The following SMURF1 variants were observed in gnomAD, a reference collection of about 807,000 sequenced individuals.
SMURF1 encodes the protein SMAD specific E3 ubiquitin protein ligase 1.
Under a neutral mutation model 98.0 loss-of-function variants are expected in SMURF1, and 44 were observed. That is an observed-to-expected ratio of 0.45 (90% CI 0.35 to 0.58). The LOEUF is 0.58. Among genes scored for constraint, SMURF1 ranks in the 20% least tolerant of loss-of-function variants. SMURF1 has a pLI of 0.00. For synonymous variants in SMURF1, 396 were observed against 374.9 expected, an observed-to-expected ratio of 1.06 and a Z score of -0.65; for missense variants, 687 against 938.4, an observed-to-expected ratio of 0.73 and a Z score of 3.50.
At chr7:99,130,910 T>C (rs962347715) in intron 1 of SMURF1, among the ~76,000 whole-genome samples, 1 of 152,202 alleles carries the variant, frequency 6.6e-6, no homozygotes, top group African/African-American at 2.4e-5. Flanking sequence ...CAATGAACAC[T>C]TGACCCAAAT....
chr7:99,039,259 C>T (rs1795277919), intron 13 of SMURF1, among the ~76,000 whole-genome samples: 1 of 149,572 alleles, frequency 6.7e-6, no homozygotes, highest in African/African-American at 2.5e-5. Flanking sequence ...CCAAAGGCAT[C>T]AGTTCAAACA....
intron 1 of SMURF1, among the ~76,000 whole-genome samples, chr7:99,102,950 C>T (rs1048783013): frequency 1.3e-5 from 2 of 151,600 alleles, no homozygotes; most frequent in African/African-American, 2.4e-5. Flanking sequence ...ACCACAGGTG[C>T]GTGCCATCAT....
At chr7:99,030,754 G>T in intron 17 of SMURF1, 71 bp from the exon 18 acceptor site, 1 of 1,238,834 alleles carries the variant, frequency 8.1e-7, no homozygotes, top group Non-Finnish European at 1.2e-6. Context: ...GCCAAGGACA[G>T]GCAGTGAGAA....
chr7:99,129,888 T>C (rs1027974987), intron 1 of SMURF1, among the ~76,000 whole-genome samples: 13 of 152,192 alleles, frequency 8.5e-5, no homozygotes, highest in Admixed American at 6.5e-5. Context: ...CTTTTTTTCT[T>C]TTTAAGAATA....
In SMURF1 at chr7:99,144,002, G is replaced by A; in HGVS notation, c.-222C>T. The A allele has an allele frequency of 2.7e-6, 1 of 365,008 alleles. No homozygotes were observed. Among genetic ancestry groups the A allele is most frequent in the Non-Finnish European group, 4.8e-6 (1 of 208,046 alleles). 22.6% of individuals were successfully genotyped at this position (365,008 alleles called of 1,614,324 possible). A position where few individuals can be genotyped will look rare whatever the true frequency, so the allele number is the denominator to read the frequency against. ...GCTCTGACCCTCGCTGCTTCCAGCC[G>A]AGCCCAGTCCCGAGCCGCCGCCGCC... is the stretch of plus-strand genomic sequence containing the variant. On this transcript the variant is annotated 5_prime_UTR_variant, in exon 1 of 18. Coordinates refer to ENST00000361368, the MANE Select transcript of SMURF1 (RefSeq NM_181349.3).
chr7:99,059,909 CA>C (rs34628446), intron 3 of SMURF1, among the ~76,000 whole-genome samples: 94 of 137,942 alleles, frequency 6.8e-4, no homozygotes, highest in Admixed American at 8.0e-4. Context: ...GACTCCATCT[CA>C]AAAAAAAAAA....
chr7:99,067,723 G>A (rs1047703176), intron 1 of SMURF1, among the ~76,000 whole-genome samples: 7 of 152,226 alleles, frequency 4.6e-5, no homozygotes, highest in South Asian at 2.1e-4. Context: ...AGGCCGAGGC[G>A]GGTGGATCAC....
intron 1 of SMURF1, among the ~76,000 whole-genome samples, chr7:99,135,474 G>A (rs1409333925): frequency 6.6e-6 from 1 of 151,888 alleles, no homozygotes; most frequent in East Asian, 1.9e-4. Context: ...TTTATTTCTT[G>A]TTTTATTATT....
rs537779797 is a variant in SMURF1, at chr7:99,035,721, G to A, written c.1810-5C>T. 6.2e-6 allele frequency: 10 copies of A among 1,613,600 alleles called. No homozygotes were observed. The South Asian group carries it at 1.1e-4, about 18-fold the overall frequency. On this transcript the variant is annotated splice_polypyrimidine_tract_variant and splice_region_variant and intron_variant, in intron 15 of 17. Transcript: ENST00000361368. Reference sequence around the variant, plus strand: ...ATCCAGGCCGCCTATGATCAGCTGAGGAGGTGCAGAAAGGTGAATTACTTC... The same window carrying A: ...ATCCAGGCCGCCTATGATCAGCTGAAGAGGTGCAGAAAGGTGAATTACTTC...
intron 13 of SMURF1, among the ~76,000 whole-genome samples, chr7:99,039,193 C>CAAAAAA (rs34106810): frequency 3.3e-5 from 2 of 60,476 alleles, no homozygotes; most frequent in Non-Finnish European, 6.9e-5. Context: ...GACTCTGTCT[C>CAAAAAA]AAAAAAAAAA....
chr7:99,063,279 A>AAGATTTT (rs1209151604), intron 1 of SMURF1, among the ~76,000 whole-genome samples: 3 of 19,366 alleles, frequency 1.5e-4, no homozygotes, highest in Non-Finnish European at 4.3e-4. Context: ...ATATATATAT[A>AAGATTTT]TATATATATA....
chr7:99,124,947 T>C (rs1027630818), intron 1 of SMURF1, among the ~76,000 whole-genome samples: 1 of 152,240 alleles, frequency 6.6e-6, no homozygotes, highest in African/African-American at 2.4e-5. Flanking sequence ...TTAGTAACCA[T>C]GTACAGAATG....
At chr7:99,041,134 G>A (rs1401986139) in intron 12 of SMURF1, among the ~76,000 whole-genome samples, 1 of 152,242 alleles carries the variant, frequency 6.6e-6, no homozygotes, top group African/African-American at 2.4e-5. Context: ...GGGCATGGTT[G>A]CTCACGCCTG....
chr7:99,095,632 A>T (rs1484173987), intron 1 of SMURF1, among the ~76,000 whole-genome samples: 1 of 152,234 alleles, frequency 6.6e-6, no homozygotes, highest in Non-Finnish European at 1.5e-5. Flanking sequence ...AACACCAGTG[A>T]GTATTTATCA....
At chr7:99,068,936 T>C (rs1796259620) in intron 1 of SMURF1, among the ~76,000 whole-genome samples, 2 of 152,146 alleles carry the variant, frequency 1.3e-5, no homozygotes, top group African/African-American at 4.8e-5. Flanking sequence ...CAAGCCAGTG[T>C]TTCCCAAACG....
chr7:99,087,720 C>T (rs1466432350), intron 1 of SMURF1, among the ~76,000 whole-genome samples: 2 of 152,132 alleles, frequency 1.3e-5, no homozygotes, highest in East Asian at 3.9e-4. Flanking sequence ...GCTATCAATC[C>T]ATCTTTTGTG....
intron 1 of SMURF1, among the ~76,000 whole-genome samples, chr7:99,106,785 C>T (rs1211210301): frequency 1.3e-5 from 2 of 152,202 alleles, no homozygotes; most frequent in African/African-American, 2.4e-5. Context: ...CCTTCTCCGA[C>T]CTCTTTTTTT....
At chr7:99,142,813 G>A (rs2150662865) in intron 1 of SMURF1, among the ~76,000 whole-genome samples, 1 of 151,118 alleles carries the variant, frequency 6.6e-6, no homozygotes, top group Middle Eastern at 3.4e-3. Context: ...AGGAAAGCAA[G>A]AGAGATGATG....
intron 16 of SMURF1, among the ~76,000 whole-genome samples, chr7:99,034,033 G>T (rs562652082): frequency 6.6e-6 from 1 of 152,360 alleles, no homozygotes; most frequent in South Asian, 2.1e-4. Flanking sequence ...GACCAGCAGA[G>T]ACACCATCTT....
Sources: gnomAD v4.1 joint callset for allele counts (sites outside exome capture counted in the v4.1 genomes callset) on GRCh38, gnomAD v4.1.1 for gene constraint, MANE v1.5 for transcripts, NCBI Gene and HGNC (gene_info 2026-07-23, HGNC 2026-07-21) for gene names.